Variants in MPRIP observed in about 807,000 individuals in gnomAD.
The protein encoded by MPRIP is myosin phosphatase Rho interacting protein, also known as myosin phosphatase Rho-interacting protein.
In MPRIP, 59 loss-of-function variants were observed where a neutral mutation model predicts 234.9. That is an observed-to-expected ratio of 0.25 (90% CI 0.20 to 0.31). The LOEUF (loss-of-function observed/expected upper bound fraction) is 0.31. Among genes scored for constraint, MPRIP ranks in the 10% least tolerant of loss-of-function variants. The probability of loss-of-function intolerance (pLI) is 1.00; values close to 1 mark genes in which losing one functional copy is unlikely to be tolerated. For missense variants in MPRIP, 2,436 were observed against 3,071.0 expected, an observed-to-expected ratio of 0.79 and a Z score of 4.89; for synonymous variants, 1,144 against 1,263.9, an observed-to-expected ratio of 0.91 and a Z score of 2.01.
At chr17:17,176,270 G>A (rs983888766) in intron 20 of MPRIP, among the ~76,000 whole-genome samples, 156 bp from the exon 21 acceptor site, 4 of 152,160 alleles carry the variant, frequency 2.6e-5, no homozygotes, top group African/African-American at 9.7e-5. Flanking sequence ...CTGAAGCTGT[G>A]AGCGGTGTTT....
chr17:17,168,520 A>C, intron 16 of MPRIP: 1 of 310,196 alleles, frequency 3.2e-6, no homozygotes, highest in Non-Finnish European at 6.3e-6. Flanking sequence ...CAGGACCTTT[A>C]CAAGTAGATT....
intron 1 of MPRIP, among the ~76,000 whole-genome samples, chr17:17,052,188 G>C (rs553976914): frequency 2.0e-5 from 3 of 152,220 alleles, no homozygotes; most frequent in African/African-American, 7.2e-5. Flanking sequence ...AGGCTCCCGT[G>C]CCAGAGTCCA....
chr17:17,068,312 G>A (rs1038132382), intron 1 of MPRIP, among the ~76,000 whole-genome samples: 1 of 151,532 alleles, frequency 6.6e-6, no homozygotes, highest in Non-Finnish European at 1.5e-5. Context: ...CACTACGCCC[G>A]GCTAATTTTA....
chr17:17,150,441 T>C (rs997934769), intron 12 of MPRIP, among the ~76,000 whole-genome samples: 4 of 152,338 alleles, frequency 2.6e-5, no homozygotes, highest in African/African-American at 9.6e-5. Flanking sequence ...CATTAGACGT[T>C]AGTATCTTTT....
At position 17,171,908 on chromosome 17, in the gene MPRIP, CT is replaced by C. The variant is rs1403307201; in HGVS notation, c.6472+50del. Reference sequence around the variant, plus strand: ...CCCTGAGGGCAGGGTGGGTGGCCAGCTTTTTTTGAGCTAGACACACAACTCA... The same window carrying C: ...CCCTGAGGGCAGGGTGGGTGGCCAGCTTTTTTGAGCTAGACACACAACTCA... On this transcript the variant is annotated intron_variant, in intron 17 of 23. Coordinates refer to ENST00000651222, the MANE Select transcript of MPRIP (RefSeq NM_001364716.4). 3.2e-6 allele frequency: 5 copies of C among 1,580,542 alleles called. No individual in the cohort carries two copies. The Admixed American group carries it at 5.8e-5, about 18-fold the overall frequency.
At chr17:17,086,930 G>C (rs1176605880) in intron 3 of MPRIP, among the ~76,000 whole-genome samples, 1 of 152,184 alleles carries the variant, frequency 6.6e-6, no homozygotes, top group Non-Finnish European at 1.5e-5. Flanking sequence ...TGGGAGGTTG[G>C]GGGAGAAGAG....
rs762301491 is a variant in MPRIP, at chr17:17,165,356, T to G, written c.3765T>G (p.Pro1255=). 3 of 1,304,008 alleles carry G rather than the reference T, an allele frequency of 2.3e-6. No homozygotes were observed. In the African/African-American group the frequency reaches 4.6e-5, roughly 20 times the overall value. 80.8% of individuals were successfully genotyped at this position (1,304,008 alleles called of 1,614,324 possible). The change falls in exon 16 of 24, where the codon CCT becomes CCG. Residue 1255 remains proline (P), a synonymous_variant. Transcript: ENST00000651222. ...AACCAGTCCAAGCCACTAGGGCACC[T>G]CTAGGCCTCCCACACACAAGGCTCG... The part of the protein sequence containing the change: ...PGQPVQATRA[P]LGLPHTRLED...
intron 4 of MPRIP, among the ~76,000 whole-genome samples, chr17:17,129,330 C>T (rs2090553137): frequency 2.0e-5 from 3 of 152,190 alleles, no homozygotes; most frequent in Admixed American, 2.0e-4. Flanking sequence ...CCGTCCCTAT[C>T]CGGGGAGCCC....
intron 3 of MPRIP, among the ~76,000 whole-genome samples, chr17:17,086,867 C>A (rs2089603111): frequency 6.6e-6 from 1 of 152,114 alleles, no homozygotes; most frequent in South Asian, 2.1e-4. Context: ...GATGGATGTT[C>A]TCTGGAAACT....
intron 2 of MPRIP, 136 bp from the exon 3 acceptor site, chr17:17,077,875 G>A: frequency 2.4e-6 from 2 of 821,210 alleles, no homozygotes; most frequent in Non-Finnish European, 2.0e-6. Flanking sequence ...CTCTTTTCCT[G>A]CCACCTGCCC....
At position 17,185,628 on chromosome 17, in the gene MPRIP, C is replaced by G. The variant is rs2046461523; in HGVS notation, c.*734C>G. The G allele has an allele frequency of 2.2e-6, 1 of 453,478 alleles. No homozygotes were observed. 28.1% of individuals were successfully genotyped at this position (453,478 alleles called of 1,614,324 possible). A position where few individuals can be genotyped will look rare whatever the true frequency, so the allele number is the denominator to read the frequency against. On this transcript the variant is annotated 3_prime_UTR_variant, in exon 24 of 24. Transcript: ENST00000651222. ...CGTTCCTTTCTTGGTCTCCAGTAACCCTGGTCTTTTCATAACTGCTCGAGA... is the reference window on the plus strand; with the variant it reads ...CGTTCCTTTCTTGGTCTCCAGTAACGCTGGTCTTTTCATAACTGCTCGAGA...
intron 12 of MPRIP, 150 bp downstream of exon 12, chr17:17,150,383 T>C: frequency 1.7e-6 from 1 of 601,860 alleles, no homozygotes; most frequent in African/African-American, 1.9e-5. Flanking sequence ...TTGACACCTC[T>C]GTCCTGTGGC....
At chr17:17,102,291 G>C (rs914706415) in intron 3 of MPRIP, among the ~76,000 whole-genome samples, 3 of 152,158 alleles carry the variant, frequency 2.0e-5, no homozygotes, top group African/African-American at 7.2e-5. Context: ...AAGTGTACAA[G>C]GCCCTTGCCT....
chr17:17,139,260 A>G (rs769748647), intron 7 of MPRIP, among the ~76,000 whole-genome samples: 1 of 152,246 alleles, frequency 6.6e-6, no homozygotes, highest in Non-Finnish European at 1.5e-5. Context: ...CACGCCTTCA[A>G]TCAGGCTTGC....
chr17:17,075,636 T>TAACA, intron 1 of MPRIP, 74 bp from the exon 2 acceptor site: 1 of 1,281,182 alleles, frequency 7.8e-7, no homozygotes, highest in Admixed American at 1.7e-5. Context: ...CAGCGAGTGC[T>TAACA]TGCTGTTAAC....
chr17:17,177,433 C>T (rs1428316910), intron 22 of MPRIP, 21 bp downstream of exon 22: 5 of 1,606,932 alleles, frequency 3.1e-6, no homozygotes, highest in African/African-American at 2.7e-5. Flanking sequence ...GGGTCATGCC[C>T]TCTCGGTTAT....
chr17:17,131,264 A>G (rs1227388910), intron 4 of MPRIP, among the ~76,000 whole-genome samples: 1 of 152,138 alleles, frequency 6.6e-6, no homozygotes, highest in East Asian at 1.9e-4. Flanking sequence ...TGTTGCCCTA[A>G]ATGGGCACAG....
chr17:17,137,039 A>G (rs964967747), intron 6 of MPRIP, among the ~76,000 whole-genome samples: 9 of 152,156 alleles, frequency 5.9e-5, no homozygotes, highest in Non-Finnish European at 1.5e-5. Flanking sequence ...TATTTTGTCT[A>G]GATTGTTAAA....
At position 17,164,250 on chromosome 17, in the gene MPRIP, G is replaced by A. The variant is rs1224713837; in HGVS notation, c.2659G>A (p.Glu887Lys). 1.5e-6 allele frequency: 2 copies of A among 1,304,320 alleles called. No homozygotes were observed. The highest frequency in any genetic ancestry group is 2.3e-5 in the Admixed American group (1 of 43,572). The allele number at this position is 1,304,320 out of a possible 1,614,324, so 80.8% of individuals were successfully genotyped here. ...TCAGACCCTGAAGCGTAGCTATGGG[G>A]AGGCCAAGGACACGATCCGGCACCA... is the stretch of plus-strand genomic sequence containing the variant. ...QIQTLKRSYG[E>K]AKDTIRHHEA... The change falls in exon 16 of 24, where the codon GAG becomes AAG. Residue 887 changes from glutamate to lysine, a missense_variant. Glu to Lys is a moderately conservative substitution (Grantham distance 56). Around this residue, in one of 4 missense-constraint regions of MPRIP, gnomAD observed 1,998 missense variants for 2,520.3 expected, o/e 0.79. Transcript: ENST00000651222.
Sources: gnomAD v4.1 joint callset for allele counts (sites outside exome capture counted in the v4.1 genomes callset) on GRCh38, gnomAD v4.1.1 for gene constraint, gnomAD v4.1.1 regional missense constraint, MANE v1.5 for transcripts, NCBI Gene and HGNC (gene_info 2026-07-23, HGNC 2026-07-21) for gene names.